YTHDC2: variants seen among roughly 807,000 people sequenced by gnomAD.
The protein encoded by YTHDC2 is YTH N6-methyladenosine RNA binding protein C2, also known as 3'-5' RNA helicase YTHDC2.
In YTHDC2, 45 loss-of-function variants were observed where a neutral mutation model predicts 174.9. The observed-to-expected ratio is 0.26, with a 90% CI of 0.20 to 0.33. YTHDC2 has a LOEUF of 0.33. Ranked by LOEUF, YTHDC2 falls within the 10% of genes least tolerant of loss-of-function variation. YTHDC2 has a pLI of 1.00. For synonymous variants in YTHDC2, 657 were observed against 574.5 expected (o/e 1.14, Z -2.05); for missense variants, 1,650 against 1,723.7 (o/e 0.96, Z 0.76).
At chr5:113,553,093 C>A in intron 12 of YTHDC2, 88 bp from the exon 13 acceptor site, 1 of 1,263,500 alleles carries the variant, frequency 7.9e-7, no homozygotes. Flanking sequence ...CCTTACCTTC[C>A]TTAGGGAATA....
chr5:113,559,882 G>A (rs1003618111), intron 17 of YTHDC2, among the ~76,000 whole-genome samples: 2 of 152,232 alleles, frequency 1.3e-5, no homozygotes, highest in African/African-American at 4.8e-5. Context: ...AAGTGGTCCA[G>A]TCAAAGCAAA....
At chr5:113,555,413 G>C (rs1358151155) in intron 16 of YTHDC2, among the ~76,000 whole-genome samples, 1 of 152,086 alleles carries the variant, frequency 6.6e-6, no homozygotes, top group Non-Finnish European at 1.5e-5. Flanking sequence ...ACATGTTCTA[G>C]TTAGGCTTGT....
chr5:113,562,181 A>G (rs1777033951), intron 18 of YTHDC2, among the ~76,000 whole-genome samples: 1 of 147,040 alleles, frequency 6.8e-6, no homozygotes, highest in Non-Finnish European at 1.5e-5. Context: ...CCCAATGCTT[A>G]TGTGTGATTT....
chr5:113,530,752 T>A (rs1774600923), intron 4 of YTHDC2, among the ~76,000 whole-genome samples: 1 of 152,096 alleles, frequency 6.6e-6, no homozygotes, highest in Non-Finnish European at 1.5e-5. Context: ...TTTTTTTACC[T>A]CCATTTATTC....
At chr5:113,574,395 G>T (rs1777912771) in intron 23 of YTHDC2, among the ~76,000 whole-genome samples, 1 of 152,172 alleles carries the variant, frequency 6.6e-6, no homozygotes, top group Admixed American at 6.5e-5. Flanking sequence ...TGTAGGAGGT[G>T]ACTGGAAGCC....
At chr5:113,556,513 A>C (rs899139725) in intron 17 of YTHDC2, among the ~76,000 whole-genome samples, 13 of 152,230 alleles carry the variant, frequency 8.5e-5, no homozygotes, top group African/African-American at 3.1e-4. Flanking sequence ...CAATTTACCA[A>C]AATAAAAAAT....
intron 5 of YTHDC2, 35 bp downstream of exon 5, chr5:113,533,080 A>G (rs932310363): frequency 7.5e-6 from 12 of 1,604,602 alleles, no homozygotes; most frequent in Admixed American, 6.8e-5. Flanking sequence ...CTCTTTTATC[A>G]TGCTTAAAAA....
Position 113,535,534 on chromosome 5 carries a change from C to A in YTHDC2, c.946-108C>A, listed in dbSNP as rs1002171860. On this transcript the variant is annotated intron_variant, in intron 6 of 29. Transcript: ENST00000161863. Reference sequence around the variant, plus strand: ...TTTCATGAATATTGATTGGCCTTGTCCACATTTAATTTGAATTAGTGTAAA... The same window carrying A: ...TTTCATGAATATTGATTGGCCTTGTACACATTTAATTTGAATTAGTGTAAA... The A allele has an allele frequency of 3.3e-5, 35 of 1,066,468 alleles. No individual in the cohort carries two copies. In the African/African-American group the frequency reaches 4.3e-4, roughly 13 times the overall value. 66.1% of individuals were successfully genotyped at this position (1,066,468 alleles called of 1,614,324 possible). A position where few individuals can be genotyped will look rare whatever the true frequency, so the allele number is the denominator to read the frequency against.
chr5:113,591,302 G>A, intron 27 of YTHDC2, 58 bp downstream of exon 27: 1 of 1,560,768 alleles, frequency 6.4e-7, no homozygotes, highest in Non-Finnish European at 8.7e-7. Flanking sequence ...AAATCATAGA[G>A]ATTTTTAGAA....
chr5:113,568,285 A>G (rs1416890342), intron 23 of YTHDC2, among the ~76,000 whole-genome samples: 1 of 152,238 alleles, frequency 6.6e-6, no homozygotes, highest in African/African-American at 2.4e-5. Flanking sequence ...TTACAGAGAT[A>G]TCAAAAATAT....
chr5:113,581,799 A>C, intron 25 of YTHDC2, 90 bp downstream of exon 25: 1 of 1,146,032 alleles, frequency 8.7e-7, no homozygotes, highest in Non-Finnish European at 1.1e-6. Context: ...TATAATATTT[A>C]AAAATTACTT....
At chr5:113,551,366 A>G (rs1470787903) in intron 12 of YTHDC2, among the ~76,000 whole-genome samples, 1 of 152,084 alleles carries the variant, frequency 6.6e-6, no homozygotes, top group Non-Finnish European at 1.5e-5. Flanking sequence ...TATTTGATAG[A>G]TCATATTATC....
chr5:113,555,881 G>A (rs1396613099), intron 16 of YTHDC2, among the ~76,000 whole-genome samples, 171 bp from the exon 17 acceptor site: 1 of 152,082 alleles, frequency 6.6e-6, no homozygotes, highest in East Asian at 1.9e-4. Context: ...TAGTATGTTT[G>A]TAACCAGAAA....
intron 23 of YTHDC2, among the ~76,000 whole-genome samples, chr5:113,569,444 C>G (rs1365390289): frequency 3.9e-5 from 6 of 152,076 alleles, no homozygotes; most frequent in Non-Finnish European, 8.8e-5. Context: ...ATGGTATTGC[C>G]TAGATTTTCT....
Position 113,585,868 on chromosome 5 carries a change from A to G in YTHDC2, c.3825+1389A>G, listed in dbSNP as rs74294442. Among the ~76,000 whole-genome samples, 79 of 151,998 alleles carry G rather than the reference A, an allele frequency of 5.2e-4. No homozygotes were observed. In the East Asian group the frequency reaches 0.012, roughly 24 times the overall value. ...GTAGTATTCCATTTCTAGATAGACT[A>G]TGGTTGGTTTTTCCATTCATCAGTT... On this transcript the variant is annotated intron_variant, in intron 26 of 29. Coordinates refer to ENST00000161863, the MANE Select transcript of YTHDC2 (RefSeq NM_022828.5).
chr5:113,574,606 C>T (rs572432535), intron 23 of YTHDC2, among the ~76,000 whole-genome samples: 9 of 152,274 alleles, frequency 5.9e-5, no homozygotes, highest in Admixed American at 2.0e-4. Context: ...CCTGGGAACT[C>T]GGCCCCATCT....
intron 23 of YTHDC2, among the ~76,000 whole-genome samples, chr5:113,568,137 T>G (rs9326895): frequency 0.63 from 95,040 of 151,894 alleles, 32,199 homozygotes; most frequent in African/African-American, 0.9. Context: ...GTAAATAAAG[T>G]TAATTGTAAA....
At chr5:113,531,243 T>A (rs1774640435) in intron 4 of YTHDC2, among the ~76,000 whole-genome samples, 2 of 152,302 alleles carry the variant, frequency 1.3e-5, no homozygotes, top group East Asian at 1.9e-4. Flanking sequence ...GACCCAGTGA[T>A]GGATGAGAGA....
chr5:113,583,177 AATG>A (rs1778495452), intron 25 of YTHDC2: 1 of 152,182 alleles, frequency 6.6e-6, no homozygotes. Context: ...CAACTGAGGA[AATG>A]ATAATTTTAT....
Sources: allele counts gnomAD v4.1 joint callset (sites outside exome capture counted in the v4.1 genomes callset), GRCh38; gene constraint gnomAD v4.1.1; transcripts MANE v1.5; gene names NCBI Gene and HGNC (gene_info 2026-07-23, HGNC 2026-07-21).